The following ITIH6 variants were observed in gnomAD, a reference collection of about 807,000 sequenced individuals.
The protein encoded by ITIH6 is inter-alpha-trypsin inhibitor heavy chain family member 6.
Under a neutral mutation model 58.2 loss-of-function variants are expected in ITIH6, and 60 were observed. The ratio of observed to expected loss-of-function variants is 1.03; its 90% CI spans 0.84 to 1.28. The LOEUF is 1.28. Among genes scored for constraint, ITIH6 ranks in the 50% most tolerant of loss-of-function variants. The pLI, the probability that ITIH6 is intolerant of heterozygous loss-of-function variation, is 0.00. For synonymous variants in ITIH6, 493 were observed against 417.4 expected, an observed-to-expected ratio of 1.18 and a Z score of -2.21; for missense variants, 1,290 against 1,021.1, an observed-to-expected ratio of 1.26 and a Z score of -3.59.
intron 6 of ITIH6, among the ~76,000 whole-genome samples, chrX:54,773,188 C>G (rs1424108308): frequency 8.9e-6 from 1 of 111,812 alleles, no homozygotes; most frequent in Admixed American, 9.5e-5. Context: ...TGAGAGGAAG[C>G]ATTCTATACT....
chrX:54,762,330 G>C (rs1305278704), intron 6 of ITIH6, among the ~76,000 whole-genome samples: 1 of 111,046 alleles, frequency 9.0e-6, no homozygotes. Context: ...AGCTTAAGGA[G>C]ATTTTGGGCT....
chrX:54,789,435 T>C lies in ITIH6; in HGVS notation c.617-786A>G, dbSNP rs1220154447. On this transcript the variant is annotated intron_variant, in intron 4 of 12. Transcript: ENST00000218436. ...TGAGCCCCATACTCTCTGAGGCGCC[T>C]GCTCACATACATTCCCTTGGCTTCC... Among the ~76,000 whole-genome samples, 12 of 112,167 alleles carry C rather than the reference T, an allele frequency of 1.1e-4. No homozygotes were observed. The Admixed American group carries it at 1.1e-3, about 11-fold the overall frequency.
chrX:54,760,899 C>T (rs1387212154), intron 6 of ITIH6, among the ~76,000 whole-genome samples: 22 of 111,636 alleles, frequency 2.0e-4, no homozygotes, highest in African/African-American at 6.9e-4. Flanking sequence ...AATAAACATA[C>T]GTGTGCATGT....
rs752695024 is a variant in ITIH6, at chrX:54,776,327, G to A, written c.787-2130C>T. Among the ~76,000 whole-genome samples, 151 of 111,472 alleles carry A rather than the reference G, an allele frequency of 1.4e-3. 1 individual carries two copies. Among genetic ancestry groups the A allele is most frequent in the African/African-American group, 4.4e-3 (134 of 30,663 alleles). On this transcript the variant is annotated intron_variant, in intron 5 of 12. Coordinates refer to ENST00000218436, the MANE Select transcript of ITIH6 (RefSeq NM_198510.3). ...GCAAGCCTCACCGCCATGGACTAAA[G>A]TGCTCTAGGGCTCTAAATAAACTTG...
At chrX:54,759,659 G>A in intron 7 of ITIH6, 97 bp downstream of exon 7, 1 of 676,394 alleles carries the variant, frequency 1.5e-6, no homozygotes, top group Non-Finnish European at 2.2e-6. Flanking sequence ...TTCAGGAACT[G>A]TGAGAGTTGA....
intron 6 of ITIH6, among the ~76,000 whole-genome samples, chrX:54,770,898 C>G (rs1157613443): frequency 8.9e-6 from 1 of 111,810 alleles, no homozygotes; most frequent in Non-Finnish European, 1.9e-5. Context: ...TTATTGGTGA[C>G]AATTCCCAAA....
In ITIH6 at chrX:54,758,194, G is replaced by A. The variant is rs780308987; in HGVS notation, c.1880C>T (p.Ser627Phe). ...SEETRRQTST[S>F]AGPDTIMPSS... ...GGGCATGATGGTGTCTGGCCCAGCA[G>A]AGGTGGAAGTCTGTCTCCTGGTCTC... The change falls in exon 8 of 13, where the codon TCT becomes TTT. Residue 627 changes from serine (S) to phenylalanine (F), a missense_variant. Coordinates refer to ENST00000218436, the MANE Select transcript of ITIH6 (RefSeq NM_198510.3). 8.3e-7 allele frequency: 1 copy of A among 1,211,597 alleles called. No individual in the cohort carries two copies. The highest frequency in any genetic ancestry group is 2.2e-5 in the Admixed American group (1 of 46,085).
Position 54,757,046 on chromosome X carries a change from A to G in ITIH6, c.3028T>C (p.Ser1010Pro), listed in dbSNP as rs113006616. The change falls in exon 8 of 13, where the codon TCT (serine) becomes CCT (proline). Residue 1010 changes from serine (S) to proline (P), a missense_variant. By Grantham distance (74) the Ser-to-Pro change is moderately conservative (BLOSUM62 -1). Coordinates refer to ENST00000218436, the MANE Select transcript of ITIH6 (RefSeq NM_198510.3). Reference protein sequence around the residue: ...LLLPEELELLSESMVESKFVE... With the variant: ...LLLPEELELLPESMVESKFVE... ...AACTTGGATTCCACCATTGATTCAG[A>G]CAGCAGCTCTAGCTCCTCAGGGAGA... 1 of 1,211,120 alleles carries G rather than the reference A, an allele frequency of 8.3e-7. No individual in the cohort carries two copies. The highest frequency in any genetic ancestry group is 1.8e-5 in the South Asian group (1 of 56,788).
chrX:54,793,681 A>G lies in ITIH6; in HGVS notation c.258-1645T>C, dbSNP rs145203117. Among the ~76,000 whole-genome samples the G allele has an allele frequency of 3.1e-4, 35 of 112,166 alleles. No homozygotes were observed. The East Asian group carries it at 9.0e-3, about 29-fold the overall frequency. ...TGTGGAGTGGACATCCTGGACAGAC[A>G]GCAGGAAAACACAGAATGTGTTTCA... is the stretch of plus-strand genomic sequence containing the variant. On this transcript the variant is annotated intron_variant, in intron 2 of 12. Coordinates refer to ENST00000218436, the MANE Select transcript of ITIH6 (RefSeq NM_198510.3).
At chrX:54,778,577 C>G (rs781748179) in intron 5 of ITIH6, among the ~76,000 whole-genome samples, 2 of 111,506 alleles carry the variant, frequency 1.8e-5, no homozygotes, top group African/African-American at 3.3e-5. Flanking sequence ...TGAAAATAAA[C>G]AGTAAGAAGA....
chrX:54,777,082 AG>A (rs1929065980), intron 5 of ITIH6, among the ~76,000 whole-genome samples: 1 of 112,092 alleles, frequency 8.9e-6, no homozygotes, highest in Admixed American at 9.4e-5. Flanking sequence ...CTGCCCTGAA[AG>A]GTGAGGCTAA....
At chrX:54,783,291 C>T (rs1929180328) in intron 5 of ITIH6, among the ~76,000 whole-genome samples, 2 of 112,025 alleles carry the variant, frequency 1.8e-5, no homozygotes, top group South Asian at 3.7e-4. Flanking sequence ...GACACGGATG[C>T]TCACTTTCAC....
chrX:54,765,916 C>G (rs1307519336), intron 6 of ITIH6, among the ~76,000 whole-genome samples: 4 of 111,089 alleles, frequency 3.6e-5, no homozygotes, highest in Non-Finnish European at 7.5e-5. Context: ...TAGTTTATTC[C>G]AATTCTGTGA....
intron 6 of ITIH6, among the ~76,000 whole-genome samples, chrX:54,766,412 C>T (rs1910739703): frequency 1.3e-5 from 1 of 77,098 alleles, no homozygotes; most frequent in Admixed American, 1.6e-4. Flanking sequence ...CTGGCCAGAA[C>T]TTCCAACACT....
chrX:54,773,176 A>T (rs1412817838), intron 6 of ITIH6, among the ~76,000 whole-genome samples: 2 of 111,559 alleles, frequency 1.8e-5, no homozygotes, highest in East Asian at 5.6e-4. Context: ...TAATGTGTGG[A>T]GTGAGAGGAA....
Position 54,755,081 on chromosome X carries a change from C to T in ITIH6, c.3138G>A (p.Glu1046=), listed in dbSNP as rs1260043897. ...DGSPNWDGNS[E]EILGGAGGSM... is the part of the protein sequence containing the mutation. ...TGCCTCCAGCTCCTCCCAGGATCTC[C>T]TCAGAATTGCCATCCCAGTTTGGAC... is the stretch of plus-strand genomic sequence containing the variant. Residue 1046 remains glutamate, a synonymous_variant, in exon 9 of 13, where the codon GAG becomes GAA. Coordinates refer to ENST00000218436, the MANE Select transcript of ITIH6 (RefSeq NM_198510.3). 5.0e-6 allele frequency: 6 copies of T among 1,208,156 alleles called. No individual in the cohort carries two copies. Among genetic ancestry groups the T allele is most frequent in the Non-Finnish European group, 6.7e-6 (6 of 893,821 alleles).
rs760884349 is a variant in ITIH6 at position 54,790,864 on chromosome X, C to G, written c.589G>C (p.Gly197Arg). Residue 197 changes from glycine (G) to arginine (R), a missense_variant, in exon 4 of 13, where the codon GGC becomes CGC. Physicochemically the swap from Gly to Arg is moderately radical, Grantham distance 125. Transcript: ENST00000218436. Reference sequence around the variant, plus strand: ...GCATGGGCATTGGTGCGCAGACGGCCGGTCCTCAGGGGTGGTATGTGCACA... The same window carrying G: ...GCATGGGCATTGGTGCGCAGACGGCGGGTCCTCAGGGGTGGTATGTGCACA... Reference protein sequence around the residue: ...SYVHIPPLRTGRLRTNAHASE... With the variant: ...SYVHIPPLRTRRLRTNAHASE... 1 of 1,212,107 alleles carries G rather than the reference C, an allele frequency of 8.3e-7. No homozygotes were observed. Among genetic ancestry groups the G allele is most frequent in the South Asian group, 1.8e-5 (1 of 57,034 alleles).
chrX:54,785,412 G>A (rs1929224995), intron 5 of ITIH6, among the ~76,000 whole-genome samples: 1 of 111,207 alleles, frequency 9.0e-6, no homozygotes, highest in Admixed American at 9.6e-5. Context: ...TGAGGGAATC[G>A]GTACCGTGTG....
At chrX:54,782,203 G>A (rs1467695487) in intron 5 of ITIH6, among the ~76,000 whole-genome samples, 1 of 110,988 alleles carries the variant, frequency 9.0e-6, no homozygotes, top group Non-Finnish European at 1.9e-5. Flanking sequence ...GATCACCTGA[G>A]GTAAGGAGTT....
Sources: allele counts gnomAD v4.1 joint callset (sites outside exome capture counted in the v4.1 genomes callset), GRCh38; gene constraint gnomAD v4.1.1; transcripts MANE v1.5; gene names NCBI Gene and HGNC (gene_info 2026-07-23, HGNC 2026-07-21).